The following LRBA variants were observed in gnomAD, a reference collection of about 807,000 sequenced individuals.
LRBA encodes LPS responsive beige-like anchor protein, also known as lipopolysaccharide-responsive and beige-like anchor protein.
LRBA carries 176 observed loss-of-function variants against 330.0 expected under a neutral mutation model. The observed-to-expected ratio is 0.53, with a 90% CI of 0.47 to 0.60. The LOEUF is 0.60. Among genes scored for constraint, LRBA ranks in the 20% least tolerant of loss-of-function variants. The pLI is 0.00. For synonymous variants in LRBA, 1,230 were observed against 1,193.0 expected, an observed-to-expected ratio of 1.03 and a Z score of -0.64; for missense variants, 3,259 against 3,444.8, an observed-to-expected ratio of 0.95 and a Z score of 1.35.
intron 53 of LRBA, among the ~76,000 whole-genome samples, chr4:150,296,578 T>C (rs1283729310): frequency 6.6e-6 from 1 of 152,142 alleles, no homozygotes; most frequent in African/African-American, 2.4e-5. Flanking sequence ...TTAACACTTA[T>C]AAACTTCTGC....
chr4:150,712,295 T>A (rs1235513175), intron 36 of LRBA, among the ~76,000 whole-genome samples: 1 of 152,188 alleles, frequency 6.6e-6, no homozygotes, highest in African/African-American at 2.4e-5. Context: ...GTTATTAGTA[T>A]CCCCATCCTC....
rs534623802 is a variant in LRBA at position 150,368,353 on chromosome 4, T to G, written c.7195-18194A>C. Among the ~76,000 whole-genome samples the G allele has an allele frequency of 2.6e-5, 4 of 152,288 alleles. No individual in the cohort carries two copies. In the South Asian group the frequency reaches 8.3e-4, roughly 32 times the overall value. On this transcript the variant is annotated intron_variant, in intron 47 of 56. Transcript: ENST00000651943. ...AATACTATAAAGCAAAATTGTCCAT[T>G]AAACTACAATTTTTTAGAAAATGAA...
At chr4:150,593,302 T>G (rs1561400055) in intron 38 of LRBA, among the ~76,000 whole-genome samples, 1 of 152,320 alleles carries the variant, frequency 6.6e-6, no homozygotes, top group African/African-American at 2.4e-5. Flanking sequence ...ATATTACATA[T>G]CATTTTGCAT....
chr4:150,848,677 T>C (rs1750196328), intron 26 of LRBA, 141 bp downstream of exon 26: 2 of 641,152 alleles, frequency 3.1e-6, no homozygotes, highest in Admixed American at 3.0e-5. Flanking sequence ...ACTACTACTA[T>C]GTACATTAAA....
chr4:150,898,478 T>C (rs754346938), intron 14 of LRBA, among the ~76,000 whole-genome samples: 9 of 152,106 alleles, frequency 5.9e-5, no homozygotes, highest in Non-Finnish European at 1.2e-4. Flanking sequence ...TGTTCTAAGA[T>C]CCTAAGTTAG....
chr4:150,287,820 G>C (rs1321516021), intron 53 of LRBA, among the ~76,000 whole-genome samples: 1 of 152,128 alleles, frequency 6.6e-6, no homozygotes, highest in Non-Finnish European at 1.5e-5. Flanking sequence ...ACACTTCTTT[G>C]GGAGGCAAAC....
rs780583793 is a variant in LRBA at position 150,852,843 on chromosome 4, T to C, written c.2867A>G (p.Gln956Arg). Residue 956 changes from glutamine to arginine, a missense_variant, in exon 23 of 57, where the codon CAA (glutamine) becomes CGA (arginine). Transcript: ENST00000651943. The part of the protein sequence containing the change: ...EIGLCSSTSV[Q>R]AASGIRRDIN... ...ATCCCTTCTAATGCCAGAGGCTGCT[T>C]GAACTGAAGTTGAAGAACACAGCCC... The C allele has an allele frequency of 1.9e-6, 3 of 1,613,898 alleles. No homozygotes were observed. In the South Asian group the frequency reaches 3.3e-5, roughly 18 times the overall value.
intron 47 of LRBA, among the ~76,000 whole-genome samples, chr4:150,381,713 T>C (rs1742293675): frequency 6.6e-6 from 1 of 152,244 alleles, no homozygotes; most frequent in Non-Finnish European, 1.5e-5. Context: ...GATATACATA[T>C]AACCAAGAGT....
At chr4:150,649,741 T>C (rs989719850) in intron 37 of LRBA, among the ~76,000 whole-genome samples, 1 of 152,174 alleles carries the variant, frequency 6.6e-6, no homozygotes, top group African/African-American at 2.4e-5. Flanking sequence ...CCTCTCAATA[T>C]AATTGAGTTA....
intron 35 of LRBA, among the ~76,000 whole-genome samples, chr4:150,742,713 C>A (rs1259819407): frequency 6.6e-6 from 1 of 152,030 alleles, no homozygotes; most frequent in Admixed American, 6.6e-5. Flanking sequence ...AATAAAGAGA[C>A]TTCTTCTCTA....
chr4:150,546,175 A>G (rs1193921081), intron 40 of LRBA, among the ~76,000 whole-genome samples: 2 of 152,140 alleles, frequency 1.3e-5, no homozygotes, highest in Non-Finnish European at 2.9e-5. Flanking sequence ...ATACTATTCA[A>G]CTAAAGGTTT....
At chr4:150,444,907 A>T (rs1752394196) in intron 44 of LRBA, among the ~76,000 whole-genome samples, 1 of 152,136 alleles carries the variant, frequency 6.6e-6, no homozygotes, top group Admixed American at 6.6e-5. Context: ...GTATTAAGTA[A>T]TTTTTCTACA....
At chr4:150,809,512 T>C (rs897946442) in intron 31 of LRBA, among the ~76,000 whole-genome samples, 1 of 152,142 alleles carries the variant, frequency 6.6e-6, no homozygotes, top group African/African-American at 2.4e-5. Flanking sequence ...TCAAATACCA[T>C]TGTACTCCAT....
chr4:150,405,342 C>A (rs572025196), intron 47 of LRBA, among the ~76,000 whole-genome samples: 1 of 152,160 alleles, frequency 6.6e-6, no homozygotes, highest in South Asian at 2.1e-4. Context: ...ATTTAAGAGG[C>A]AAAGAAATGT....
At chr4:150,949,768 CG>C (rs1287290083) in intron 2 of LRBA, among the ~76,000 whole-genome samples, 33 of 151,350 alleles carry the variant, frequency 2.2e-4, no homozygotes, top group African/African-American at 7.5e-4. Context: ...CAAGGAAACT[CG>C]TAAGTTCAAA....
intron 46 of LRBA, chr4:150,422,764 C>T: frequency 7.6e-7 from 1 of 1,323,884 alleles, no homozygotes; most frequent in Non-Finnish European, 1.1e-6. Flanking sequence ...ACCTGGTGGC[C>T]AGCTGGGCAC....
chr4:150,576,159 GTT>G (rs761830232), intron 40 of LRBA, among the ~76,000 whole-genome samples: 5 of 58,612 alleles, frequency 8.5e-5, no homozygotes, highest in African/African-American at 2.3e-4. Flanking sequence ...GTTCAAACTG[GTT>G]TTTAAAAAAA....
intron 42 of LRBA, among the ~76,000 whole-genome samples, chr4:150,474,304 G>A (rs1464769920): frequency 6.6e-6 from 1 of 152,050 alleles, no homozygotes; most frequent in Non-Finnish European, 1.5e-5. Context: ...TTTCTGTATT[G>A]TCAATTCTCT....
At chr4:150,619,170 C>T (rs1261693260) in intron 37 of LRBA, among the ~76,000 whole-genome samples, 1 of 152,128 alleles carries the variant, frequency 6.6e-6, no homozygotes, top group Non-Finnish European at 1.5e-5. Context: ...TTTTACACTT[C>T]TCATATCAGG....
Sources: allele counts gnomAD v4.1 joint callset (sites outside exome capture counted in the v4.1 genomes callset), GRCh38; gene constraint gnomAD v4.1.1; transcripts MANE v1.5; gene names NCBI Gene and HGNC (gene_info 2026-07-23, HGNC 2026-07-21).